Variants in LDLRAD2 observed in about 807,000 individuals in gnomAD.
The protein encoded by LDLRAD2 is low-density lipoprotein receptor class A domain-containing protein 2.
Under a neutral mutation model 24.9 loss-of-function variants are expected in LDLRAD2, and 25 were observed. That is an observed-to-expected ratio of 1.00 (90% CI 0.73 to 1.40). LDLRAD2 has a LOEUF of 1.40. Ranked by LOEUF, LDLRAD2 falls within the 40% of genes most tolerant of loss-of-function variation. The probability of loss-of-function intolerance (pLI) is 0.00; values close to 1 mark genes in which losing one functional copy is unlikely to be tolerated. For synonymous variants in LDLRAD2, 182 were observed against 166.7 expected, an observed-to-expected ratio of 1.09 and a Z score of -0.71; for missense variants, 391 against 366.2, an observed-to-expected ratio of 1.07 and a Z score of -0.55.
intron 4 of LDLRAD2, 118 bp from the exon 5 acceptor site, chr1:21,822,084 C>T: frequency 6.3e-7 from 1 of 1,583,360 alleles, no homozygotes; most frequent in Non-Finnish European, 8.6e-7. Context: ...CTCAGCTGCC[C>T]CTCTAGAAAA....
In LDLRAD2 at chr1:21,824,269, AG is replaced by A; in HGVS notation, c.*2057del. The A allele has an allele frequency of 6.2e-7, 1 of 1,613,240 alleles. No individual in the cohort carries two copies. The highest frequency in any genetic ancestry group is 8.5e-7 in the Non-Finnish European group (1 of 1,179,404). On this transcript the variant is annotated 3_prime_UTR_variant, in exon 5 of 5. Coordinates refer to ENST00000344642, the MANE Select transcript of LDLRAD2 (RefSeq NM_001013693.3). This position sits in a 1 kb window ranked among gnomAD's most constrained non-coding sequence, Gnocchi z 5.9. ...GACCGGGGGGTGGGGTGCTGGGACC[AG>A]GGAAGGGAGAGGAAGGGCCAGGTGC...
At position 21,823,872 on chromosome 1, in the gene LDLRAD2, G is replaced by T; in HGVS notation, c.*1657G>T. The T allele has an allele frequency of 1.3e-6, 1 of 754,704 alleles. No homozygotes were observed. 46.8% of individuals were successfully genotyped at this position (754,704 alleles called of 1,614,324 possible). On this transcript the variant is annotated 3_prime_UTR_variant, in exon 5 of 5. Transcript: ENST00000344642. ...TCTTTCCCCCGCTGAACGAGAGATC[G>T]GGCCCCACAAACACAGCTTCCTCAT...
intron 3 of LDLRAD2, among the ~76,000 whole-genome samples, chr1:21,816,380 C>T (rs749354576): frequency 1.1e-4 from 17 of 152,206 alleles, no homozygotes; most frequent in Non-Finnish European, 2.2e-4. Flanking sequence ...GGGCCTGGGG[C>T]CCTGGCTGCC....
intron 1 of LDLRAD2, 90 bp downstream of exon 1, chr1:21,812,626 T>A: frequency 9.1e-7 from 1 of 1,104,850 alleles, no homozygotes; most frequent in Non-Finnish European, 1.3e-6. Flanking sequence ...GCACTCATCC[T>A]GCTGGGCTGA....
chr1:21,815,191 C>T (rs1057070031), intron 2 of LDLRAD2, among the ~76,000 whole-genome samples: 3 of 152,198 alleles, frequency 2.0e-5, no homozygotes, highest in Non-Finnish European at 2.9e-5. Flanking sequence ...CATCCACACC[C>T]ATGTCACATA....
chr1:21,824,520 C>A lies in LDLRAD2; in HGVS notation c.*2305C>A. 2 of 1,612,792 alleles carry A rather than the reference C, an allele frequency of 1.2e-6. No individual in the cohort carries two copies. The highest frequency in any genetic ancestry group is 1.7e-6 in the Non-Finnish European group (2 of 1,179,876). ...GCCCCAGGAGCCCCAAGAGCCCAGC[C>A]GGATACCCACACTCACCACACCCTG... On this transcript the variant is annotated 3_prime_UTR_variant, in exon 5 of 5. Coordinates refer to ENST00000344642, the MANE Select transcript of LDLRAD2 (RefSeq NM_001013693.3). The surrounding 1 kb of genome is among the most constrained non-coding windows in gnomAD (Gnocchi z 5.9).
Position 21,824,002 on chromosome 1 carries a change from C to A in LDLRAD2, c.*1787C>A. Reference sequence around the variant, plus strand: ...CCTGGCTGGTGGGTTCTCCCCTCCCCTGGCTTCAAGTTCTGTCTCCACAGA... The same window carrying A: ...CCTGGCTGGTGGGTTCTCCCCTCCCATGGCTTCAAGTTCTGTCTCCACAGA... On this transcript the variant is annotated 3_prime_UTR_variant, in exon 5 of 5. Transcript: ENST00000344642. This position sits in a 1 kb window ranked among gnomAD's most constrained non-coding sequence, Gnocchi z 5.9. The A allele has an allele frequency of 9.4e-7, 1 of 1,062,106 alleles. No homozygotes were observed. The highest frequency in any genetic ancestry group is 1.3e-5 in the South Asian group (1 of 74,196). The allele number at this position is 1,062,106 out of a possible 1,614,324, so 65.8% of individuals were successfully genotyped here. A position where few individuals can be genotyped will look rare whatever the true frequency, so the allele number is the denominator to read the frequency against.
chr1:21,818,239 T>C (rs997266581), intron 3 of LDLRAD2, among the ~76,000 whole-genome samples: 1 of 149,028 alleles, frequency 6.7e-6, no homozygotes, highest in Non-Finnish European at 1.5e-5. Flanking sequence ...CTCAAACTCC[T>C]GACCTCAAGT....
rs768860953 is a variant in LDLRAD2 at position 21,824,806 on chromosome 1, T to C, written c.*2591T>C. 12 of 1,592,116 alleles carry C rather than the reference T, an allele frequency of 7.5e-6. No homozygotes were observed. Among genetic ancestry groups the C allele is most frequent in the Non-Finnish European group, 1.0e-5 (12 of 1,165,664 alleles). ...TGTGGGAGAGAGGAGGGTGGTGCCA[T>C]ACCTGCTGCATCAGGCATCAAAATC... On this transcript the variant is annotated 3_prime_UTR_variant, in exon 5 of 5. Transcript: ENST00000344642. This position sits in a 1 kb window ranked among gnomAD's most constrained non-coding sequence, Gnocchi z 5.9.
Position 21,823,246 on chromosome 1 carries a change from T to C in LDLRAD2, c.*1031T>C. ...TTTCTTACAAAAATTCATAATAATA[T>C]TAATAATAATATACTCGACATTGTC... On this transcript the variant is annotated 3_prime_UTR_variant, in exon 5 of 5. Coordinates refer to ENST00000344642, the MANE Select transcript of LDLRAD2 (RefSeq NM_001013693.3). 1 of 1,293,536 alleles carries C rather than the reference T, an allele frequency of 7.7e-7. No individual in the cohort carries two copies. The highest frequency in any genetic ancestry group is 1.0e-6 in the Non-Finnish European group (1 of 980,240). 80.1% of individuals were successfully genotyped at this position (1,293,536 alleles called of 1,614,324 possible).
Position 21,823,366 on chromosome 1 carries a change from G to C in LDLRAD2, c.*1151G>C. The C allele has an allele frequency of 1.9e-6, 3 of 1,549,450 alleles. No homozygotes were observed. Among genetic ancestry groups the C allele is most frequent in the Non-Finnish European group, 8.7e-7 (1 of 1,151,544 alleles). On this transcript the variant is annotated 3_prime_UTR_variant, in exon 5 of 5. Coordinates refer to ENST00000344642, the MANE Select transcript of LDLRAD2 (RefSeq NM_001013693.3). The stretch of plus-strand genomic sequence containing the variant: ...GCCCCGGCCTGGGCGCGGTGCTGCA[G>C]GTCCAGGGGCTGTGGGGGCGGGGCG...
chr1:21,821,723 G>A, intron 4 of LDLRAD2, 112 bp downstream of exon 4: 1 of 1,536,426 alleles, frequency 6.5e-7, no homozygotes. Flanking sequence ...TCTTCCCACA[G>A]GCCCCCAGCT....
intron 3 of LDLRAD2, among the ~76,000 whole-genome samples, chr1:21,820,629 T>C (rs895491901): frequency 1.3e-5 from 2 of 152,164 alleles, no homozygotes; most frequent in Non-Finnish European, 2.9e-5. Context: ...ATAAATTCTA[T>C]TCATGTGTTT....
At chr1:21,815,128 C>G (rs2097942583) in intron 2 of LDLRAD2, among the ~76,000 whole-genome samples, 1 of 152,168 alleles carries the variant, frequency 6.6e-6, no homozygotes, top group South Asian at 2.1e-4. Flanking sequence ...ACACAACTTC[C>G]TCCCCACACA....
chr1:21,814,942 C>T (rs2097942430), intron 2 of LDLRAD2, 119 bp downstream of exon 2: 2 of 984,462 alleles, frequency 2.0e-6, no homozygotes, highest in African/African-American at 1.7e-5. Flanking sequence ...GTGCCCGAAG[C>T]ACAAGATGGC....
chr1:21,818,612 C>T (rs2097946766), intron 3 of LDLRAD2, among the ~76,000 whole-genome samples: 2 of 152,154 alleles, frequency 1.3e-5, no homozygotes, highest in African/African-American at 4.8e-5. Flanking sequence ...TGATGTCTGC[C>T]TCATTTCTCC....
In LDLRAD2 at chr1:21,822,921, C is replaced by T. The variant is rs966393131; in HGVS notation, c.*706C>T. ...GCCCGTCTCAGGTAGCTGTGGGGCA[C>T]CAGCCCACAAGCCGAGGTTGGCTCT... On this transcript the variant is annotated 3_prime_UTR_variant, in exon 5 of 5. Transcript: ENST00000344642. 1.2e-4 allele frequency: 21 copies of T among 175,998 alleles called. No individual in the cohort carries two copies. The highest frequency in any genetic ancestry group is 1.7e-4 in the Non-Finnish European group (14 of 83,372). 10.9% of individuals were successfully genotyped at this position (175,998 alleles called of 1,614,324 possible). A position where few individuals can be genotyped will look rare whatever the true frequency, so the allele number is the denominator to read the frequency against.
At position 21,812,285 on chromosome 1, in the gene LDLRAD2, C is replaced by A; in HGVS notation, c.-167C>A. The A allele has an allele frequency of 1.7e-6, 1 of 587,128 alleles. No individual in the cohort carries two copies. Among genetic ancestry groups the A allele is most frequent in the South Asian group, 2.0e-5 (1 of 50,706 alleles). 36.4% of individuals were successfully genotyped at this position (587,128 alleles called of 1,614,324 possible). A position where few individuals can be genotyped will look rare whatever the true frequency, so the allele number is the denominator to read the frequency against. On this transcript the variant is annotated 5_prime_UTR_variant, in exon 1 of 5. The change creates a new upstream start codon in the 5' untranslated region. Transcript: ENST00000344642. ...CAGTTCTGAACCAAATGAAGAGGAT[C>A]TGGAAGGCAAAGCACTAAGATCATA...
chr1:21,812,373 C>T lies in LDLRAD2; in HGVS notation c.-79C>T. 8.7e-7 allele frequency: 1 copy of T among 1,151,976 alleles called. No homozygotes were observed. Among genetic ancestry groups the T allele is most frequent in the Non-Finnish European group, 1.3e-6 (1 of 770,924 alleles). 71.4% of individuals were successfully genotyped at this position (1,151,976 alleles called of 1,614,324 possible). ...AGCCTCCCTGCTGGCCTGACCAGGC[C>T]CCATACTCCAGTCTCCCCAGAGACC... On this transcript the variant is annotated 5_prime_UTR_variant, in exon 1 of 5. Transcript: ENST00000344642.
Sources: allele counts gnomAD v4.1 joint callset (sites outside exome capture counted in the v4.1 genomes callset), GRCh38; gene constraint gnomAD v4.1.1; non-coding constraint Gnocchi (gnomAD v3.1); transcripts MANE v1.5; gene names NCBI Gene and HGNC (gene_info 2026-07-23, HGNC 2026-07-21).